The following CTNNA2 variants were observed in gnomAD, a reference collection of about 807,000 sequenced individuals.
CTNNA2 encodes the protein catenin alpha 2, also known as catenin alpha-2.
Under a neutral mutation model 101.0 loss-of-function variants are expected in CTNNA2, and 42 were observed. That is an observed-to-expected ratio of 0.42 (90% CI 0.32 to 0.54). The LOEUF is 0.54. CTNNA2 is among the 20% of genes least tolerant of loss of function. The pLI, the probability that CTNNA2 is intolerant of heterozygous loss-of-function variation, is 0.14. For missense variants in CTNNA2, 871 were observed against 1,223.1 expected, an observed-to-expected ratio of 0.71 and a Z score of 4.29; for synonymous variants, 450 against 456.4, an observed-to-expected ratio of 0.99 and a Z score of 0.18.
intron 7 of CTNNA2, among the ~76,000 whole-genome samples, chr2:80,236,948 A>C (rs1354684858): frequency 6.6e-6 from 1 of 152,216 alleles, no homozygotes; most frequent in African/African-American, 2.4e-5. Context: ...GAGGGAAAGC[A>C]AAGAGAAGGA....
At chr2:79,676,017 G>A (rs530025720) in intron 2 of CTNNA2, among the ~76,000 whole-genome samples, 4 of 152,238 alleles carry the variant, frequency 2.6e-5, no homozygotes, top group African/African-American at 9.6e-5. Flanking sequence ...AGGGTCATCC[G>A]TAGGTGAGGG....
intron 7 of CTNNA2, among the ~76,000 whole-genome samples, chr2:80,019,507 A>C (rs577140771): frequency 3.6e-4 from 55 of 152,354 alleles, no homozygotes; most frequent in African/African-American, 1.2e-3. Flanking sequence ...TCACCTGACT[A>C]GTCAGTTTAC....
intron 4 of CTNNA2, among the ~76,000 whole-genome samples, chr2:79,404,334 C>T (rs1052609720): frequency 1.8e-4 from 28 of 151,980 alleles, no homozygotes; most frequent in African/African-American, 6.3e-4. Context: ...TCCCCTCCCT[C>T]CCCAATCAAG....
chr2:80,266,836 G>C (rs910109427), intron 7 of CTNNA2, among the ~76,000 whole-genome samples: 9 of 152,116 alleles, frequency 5.9e-5, no homozygotes, highest in African/African-American at 1.9e-4. Flanking sequence ...CACAGAGCAG[G>C]CATCTTCCTA....
intron 7 of CTNNA2, 55 bp from the exon 8 acceptor site, chr2:80,393,156 A>G: frequency 7.5e-7 from 1 of 1,328,016 alleles, no homozygotes; most frequent in Non-Finnish European, 1.0e-6. Flanking sequence ...TTAAATTTTT[A>G]ATGTCTCTAA....
chr2:79,995,507 G>A (rs910815910), intron 7 of CTNNA2, among the ~76,000 whole-genome samples: 1 of 152,060 alleles, frequency 6.6e-6, no homozygotes, highest in Non-Finnish European at 1.5e-5. Context: ...TCCAAAGTGA[G>A]TCATAAGTTT....
intron 7 of CTNNA2, among the ~76,000 whole-genome samples, chr2:80,080,149 T>C (rs926878486): frequency 6.6e-6 from 1 of 152,162 alleles, no homozygotes; most frequent in Non-Finnish European, 1.5e-5. Flanking sequence ...GGCAGCATTG[T>C]AAAGTGTGGC....
chr2:80,323,603 T>C (rs1176086461), intron 7 of CTNNA2, among the ~76,000 whole-genome samples: 1 of 152,158 alleles, frequency 6.6e-6, no homozygotes, highest in African/African-American at 2.4e-5. Context: ...CTTCTCTTTC[T>C]CTCTGTACTT....
rs571774618 is a variant in CTNNA2, at chr2:80,269,332, C to T, written c.1057-123879C>T. Among the ~76,000 whole-genome samples, 6 of 152,314 alleles carry T rather than the reference C, an allele frequency of 3.9e-5. No individual in the cohort carries two copies. The East Asian group carries it at 1.2e-3, about 29-fold the overall frequency. On this transcript the variant is annotated intron_variant, in intron 7 of 18. Transcript: ENST00000402739. Reference sequence around the variant, plus strand: ...CCCCCTTTGCTCAGCAATCATTCTTCTCTCTCCTGATGCCTTGTGAAGAAG... The same window carrying T: ...CCCCCTTTGCTCAGCAATCATTCTTTTCTCTCCTGATGCCTTGTGAAGAAG...
intron 2 of CTNNA2, among the ~76,000 whole-genome samples, chr2:79,732,025 G>A (rs950388652): frequency 2.6e-5 from 4 of 151,722 alleles, no homozygotes; most frequent in Non-Finnish European, 4.4e-5. Flanking sequence ...TATACATACC[G>A]ACTATATCTA....
intron 7 of CTNNA2, among the ~76,000 whole-genome samples, chr2:80,147,620 G>T (rs969954028): frequency 1.3e-5 from 2 of 152,168 alleles, no homozygotes; most frequent in Non-Finnish European, 2.9e-5. Context: ...GCAAAGTCCT[G>T]TTGAGATGCT....
At chr2:80,478,892 G>A (rs1229197916) in intron 9 of CTNNA2, among the ~76,000 whole-genome samples, 1 of 151,852 alleles carries the variant, frequency 6.6e-6, no homozygotes, top group Non-Finnish European at 1.5e-5. Context: ...TTAATTTTAG[G>A]ATTTTTGTTC....
intron 7 of CTNNA2, among the ~76,000 whole-genome samples, chr2:79,936,422 G>T (rs539736550): frequency 1.3e-5 from 2 of 152,012 alleles, no homozygotes; most frequent in Non-Finnish European, 2.9e-5. Flanking sequence ...AATGTGCCCT[G>T]TGGGAACAGA....
intron 4 of CTNNA2, among the ~76,000 whole-genome samples, chr2:79,374,245 T>C (rs1288791026): frequency 2.0e-5 from 3 of 152,168 alleles, no homozygotes; most frequent in African/African-American, 7.2e-5. Context: ...TAACAATGCA[T>C]ACCTTCCCCT....
chr2:79,885,147 A>G (rs560361463), intron 6 of CTNNA2, among the ~76,000 whole-genome samples: 1 of 152,078 alleles, frequency 6.6e-6, no homozygotes, highest in African/African-American at 2.4e-5. Context: ...GGGATTCACA[A>G]CCCAAGATTA....
chr2:80,433,121 A>G (rs1681695673), intron 9 of CTNNA2, among the ~76,000 whole-genome samples: 1 of 152,164 alleles, frequency 6.6e-6, no homozygotes, highest in African/African-American at 2.4e-5. Flanking sequence ...CAAGTATCTC[A>G]AAAAGTCAAG....
chr2:79,454,257 C>G (rs1389003256), intron 4 of CTNNA2, among the ~76,000 whole-genome samples: 4 of 151,826 alleles, frequency 2.6e-5, no homozygotes, highest in Admixed American at 2.0e-4. Flanking sequence ...AGTAATTTAC[C>G]ATATTATATT....
At chr2:79,395,961 T>C (rs1254921382) in intron 4 of CTNNA2, among the ~76,000 whole-genome samples, 2 of 152,142 alleles carry the variant, frequency 1.3e-5, no homozygotes, top group Admixed American at 6.5e-5. Flanking sequence ...CACTTAACCA[T>C]AGCCATTAAT....
At chr2:80,412,646 A>G (rs189631081) in intron 8 of CTNNA2, among the ~76,000 whole-genome samples, 2 of 152,288 alleles carry the variant, frequency 1.3e-5, no homozygotes, top group Admixed American at 1.3e-4. Context: ...TAGTGTTAAC[A>G]GTACCTCAGG....
Sources: gnomAD v4.1 joint callset for allele counts (sites outside exome capture counted in the v4.1 genomes callset) on GRCh38, gnomAD v4.1.1 for gene constraint, MANE v1.5 for transcripts, NCBI Gene and HGNC (gene_info 2026-07-23, HGNC 2026-07-21) for gene names.